SEMA5B: variants seen among roughly 807,000 people sequenced by gnomAD.
SEMA5B encodes the protein semaphorin-5B.
SEMA5B carries 66 observed loss-of-function variants against 135.0 expected under a neutral mutation model. That is an observed-to-expected ratio of 0.49 (90% CI 0.40 to 0.60). SEMA5B has a LOEUF of 0.60. Among genes scored for constraint, SEMA5B ranks in the 20% least tolerant of loss-of-function variants. SEMA5B has a pLI of 0.00. For synonymous variants in SEMA5B, 690 were observed against 639.5 expected, an observed-to-expected ratio of 1.08 and a Z score of -1.19; for missense variants, 1,501 against 1,566.3, an observed-to-expected ratio of 0.96 and a Z score of 0.70.
intron 1 of SEMA5B, among the ~76,000 whole-genome samples, chr3:122,962,892 C>T (rs962134870): frequency 5.3e-5 from 8 of 151,998 alleles, no homozygotes; most frequent in Non-Finnish European, 7.4e-5. Context: ...TCATTTGACA[C>T]GTGTATAAAC....
At chr3:122,948,443 C>G in intron 3 of SEMA5B, 63 bp downstream of exon 3, 3 of 1,425,406 alleles carry the variant, frequency 2.1e-6, no homozygotes, top group South Asian at 1.4e-5. Flanking sequence ...CTGCCAAGGT[C>G]TGACCTAAGT....
At chr3:122,996,895 G>C (rs1332254199) in intron 1 of SEMA5B, among the ~76,000 whole-genome samples, 1 of 152,184 alleles carries the variant, frequency 6.6e-6, no homozygotes, top group African/African-American at 2.4e-5. Flanking sequence ...CCTGGTTTCT[G>C]TCTCCTGGAA....
chr3:123,026,726 G>C (rs904143378), intron 1 of SEMA5B, among the ~76,000 whole-genome samples: 1 of 152,228 alleles, frequency 6.6e-6, no homozygotes, highest in Admixed American at 6.5e-5. Context: ...AAAGTGAATG[G>C]GCAGCCCCAA....
intron 3 of SEMA5B, among the ~76,000 whole-genome samples, chr3:122,946,901 C>G (rs1174187396): frequency 6.6e-6 from 1 of 152,034 alleles, no homozygotes; most frequent in Non-Finnish European, 1.5e-5. Context: ...ACCTGAGGGT[C>G]AAAAATGGTC....
chr3:122,988,605 A>G (rs9835613), intron 1 of SEMA5B, among the ~76,000 whole-genome samples: 32,608 of 152,294 alleles, frequency 0.21, 6,097 homozygotes, highest in African/African-American at 0.51. Context: ...AGCCCTGGGG[A>G]GCACAGATTA....
chr3:123,018,049 G>A (rs1302650930), intron 1 of SEMA5B, among the ~76,000 whole-genome samples: 3 of 152,190 alleles, frequency 2.0e-5, no homozygotes, highest in African/African-American at 4.8e-5. Flanking sequence ...CTAATGCCAC[G>A]AGTCAGGGGC....
intron 1 of SEMA5B, among the ~76,000 whole-genome samples, chr3:123,013,686 TC>T (rs1560445870): frequency 3.3e-5 from 5 of 152,086 alleles, no homozygotes; most frequent in Admixed American, 2.6e-4. Context: ...CACATCTAGC[TC>T]TCTTCCCTGC....
chr3:123,001,939 T>G (rs187996046), intron 1 of SEMA5B, among the ~76,000 whole-genome samples: 45 of 152,332 alleles, frequency 3.0e-4, no homozygotes, highest in Admixed American at 2.7e-3. Flanking sequence ...GGAGACAAGA[T>G]ACACATGTAA....
intron 1 of SEMA5B, among the ~76,000 whole-genome samples, chr3:123,014,563 G>A (rs113865388): frequency 7.9e-5 from 12 of 152,202 alleles, no homozygotes; most frequent in African/African-American, 1.9e-4. Flanking sequence ...GATCCTGGCC[G>A]CCTGCAGGGA....
At chr3:122,997,515 C>A (rs189507935) in intron 1 of SEMA5B, among the ~76,000 whole-genome samples, 4 of 150,248 alleles carry the variant, frequency 2.7e-5, no homozygotes, top group Non-Finnish European at 4.4e-5. Flanking sequence ...GTCCCCAGGC[C>A]TCTCCCCCCC....
chr3:122,910,326 G>C, intron 22 of SEMA5B, 25 bp from the exon 23 acceptor site: 3 of 1,612,420 alleles, frequency 1.9e-6, no homozygotes, highest in Non-Finnish European at 2.5e-6. Context: ...AGGAACCAGA[G>C]AAAGGGGTGA....
intron 2 of SEMA5B, among the ~76,000 whole-genome samples, chr3:122,953,066 C>T (rs1260632081): frequency 1.3e-5 from 2 of 152,206 alleles, no homozygotes; most frequent in Non-Finnish European, 2.9e-5. Flanking sequence ...CATCTGTTTC[C>T]TGGGGGGACC....
At chr3:122,973,845 A>C (rs979679437) in intron 1 of SEMA5B, among the ~76,000 whole-genome samples, 4 of 152,068 alleles carry the variant, frequency 2.6e-5, no homozygotes, top group Non-Finnish European at 4.4e-5. Context: ...GGTAGGGAGA[A>C]ATTCCTTAAA....
At position 122,922,347 on chromosome 3, in the gene SEMA5B, ACCGGC is replaced by A. The variant is rs1394066542; in HGVS notation, c.1368_1372del (p.Gln456HisfsTer25). Reference sequence around the variant, plus strand: ...CTGGGTGACACAGGGCTCGGGTGTCACCGGCTGCACGGCCTCGCTCATCAGGAAGA... The same window carrying A: ...CTGGGTGACACAGGGCTCGGGTGTCATGCACGGCCTCGCTCATCAGGAAGA... On this transcript the variant is annotated frameshift_variant, in exon 11 of 23. Coordinates refer to ENST00000357599, the MANE Select transcript of SEMA5B (RefSeq NM_001031702.4). LOFTEE classifies it high-confidence loss of function. The A allele has an allele frequency of 6.2e-7, 1 of 1,613,632 alleles. No individual in the cohort carries two copies. Among genetic ancestry groups the A allele is most frequent in the Non-Finnish European group, 8.5e-7 (1 of 1,179,822 alleles).
At chr3:122,932,105 G>T (rs1375525893) in intron 5 of SEMA5B, among the ~76,000 whole-genome samples, 1 of 152,054 alleles carries the variant, frequency 6.6e-6, no homozygotes, top group East Asian at 1.9e-4. Flanking sequence ...TTCTGATAAG[G>T]TTTCCCTTTT....
At chr3:122,915,358 A>G in intron 14 of SEMA5B, 82 bp downstream of exon 14, 1 of 1,390,262 alleles carries the variant, frequency 7.2e-7, no homozygotes, top group Non-Finnish European at 9.8e-7. Flanking sequence ...TAGTGCAAAC[A>G]CCCAAGTGAG....
rs572145442 is a variant in SEMA5B at position 122,909,199 on chromosome 3, T to C, written c.*944A>G. 6.5e-6 allele frequency: 1 copy of C among 152,796 alleles called. No individual in the cohort carries two copies. The highest frequency in any genetic ancestry group is 1.9e-4 in the East Asian group (1 of 5,186). The allele number at this position is 152,796 out of a possible 1,614,324, so 9.5% of individuals were successfully genotyped here. The stretch of plus-strand genomic sequence containing the variant: ...CAGATGCACAGAGACATTTGGAGAC[T>C]GGATATCATCTTTAATTAATAATGC... On this transcript the variant is annotated 3_prime_UTR_variant, in exon 23 of 23. Coordinates refer to ENST00000357599, the MANE Select transcript of SEMA5B (RefSeq NM_001031702.4).
intron 1 of SEMA5B, among the ~76,000 whole-genome samples, chr3:122,965,158 TGGGCAGGAGCTGG>T (rs1194965428): frequency 1.3e-5 from 2 of 152,206 alleles, no homozygotes; most frequent in Non-Finnish European, 2.9e-5. Context: ...AGAAGTTTCT[TGGGCAGGAGCTGG>T]GGGCAGGAGC....
rs759665487 is a variant in SEMA5B, at chr3:122,913,248, G to T, written c.2457C>A (p.Thr819=). 4 of 1,586,502 alleles carry T rather than the reference G, an allele frequency of 2.5e-6. No individual in the cohort carries two copies. The East Asian group carries it at 9.1e-5, about 36-fold the overall frequency. The change falls in exon 17 of 23, where the codon ACC becomes ACA. Residue 819 remains threonine (T), a synonymous_variant. Transcript: ENST00000357599. The part of the protein sequence containing the change: ...PHGLQFGRRR[T]ETRTCPADGS... The stretch of plus-strand genomic sequence containing the variant: ...CGTCCGCGGGACAGGTCCTCGTCTC[G>T]GTCCTTCTCCTGCCGAACTGCAGGC...
Sources: gnomAD v4.1 joint callset for allele counts (sites outside exome capture counted in the v4.1 genomes callset) on GRCh38, gnomAD v4.1.1 for gene constraint, MANE v1.5 for transcripts, NCBI Gene and HGNC (gene_info 2026-07-23, HGNC 2026-07-21) for gene names.